Variants in TLR3 observed in about 807,000 individuals in gnomAD.
The protein encoded by TLR3 is toll like receptor 3, also known as toll-like receptor 3.
In TLR3, 43 loss-of-function variants were observed where a neutral mutation model predicts 66.4. The ratio of observed to expected loss-of-function variants is 0.65; its 90% confidence interval spans 0.51 to 0.83. TLR3 has a LOEUF of 0.83. Among genes scored for constraint, TLR3 ranks in the 40% least tolerant of loss-of-function variants. TLR3 has a pLI of 0.00. For missense variants in TLR3, 982 were observed against 1,044.6 expected (o/e 0.94, Z 0.83); for synonymous variants, 397 against 397.2 (o/e 1.00, Z 0.01).
At position 186,076,857 on chromosome 4, in the gene TLR3, T is replaced by C. The variant is rs2150066346; in HGVS notation, c.238T>C (p.Leu80=). 6.2e-7 allele frequency: 1 copy of C among 1,614,176 alleles called. No homozygotes were observed. Among genetic ancestry groups the C allele is most frequent in the Non-Finnish European group, 8.5e-7 (1 of 1,180,030 alleles). ...CACAAGGTATAGCCAGCTAACTAGC[T>C]TGGATGTAGGATTTAACACCATCTC... ...NFTRYSQLTS[L]DVGFNTISKL... Residue 80 remains leucine, a synonymous_variant, in exon 2 of 5, where the codon TTG becomes CTG. Transcript: ENST00000296795.
chr4:186,070,916 G>A lies in TLR3; in HGVS notation c.-8+1668G>A, dbSNP rs568814766. On this transcript the variant is annotated intron_variant, in intron 1 of 4. Transcript: ENST00000296795. The stretch of plus-strand genomic sequence containing the variant: ...ATACGGGGTCTCACTATGTTGCCCA[G>A]GCTGGTGTTGAGCTCCTGATCTCCT... Among the ~76,000 whole-genome samples, 52 of 152,286 alleles carry A rather than the reference G, an allele frequency of 3.4e-4. No homozygotes were observed. The South Asian group carries it at 0.011, about 31-fold the overall frequency.
intron 1 of TLR3, among the ~76,000 whole-genome samples, chr4:186,072,253 T>C (rs1193223790): frequency 6.6e-6 from 1 of 152,202 alleles, no homozygotes; most frequent in Non-Finnish European, 1.5e-5. Context: ...CACCTTCACA[T>C]AGCCGGAGCA....
At position 186,084,224 on chromosome 4, in the gene TLR3, T is replaced by C. The variant is rs756015945; in HGVS notation, c.2486+52T>C. On this transcript the variant is annotated intron_variant, in intron 4 of 4. Transcript: ENST00000296795. ...TGTGTACTTGCTTTTCAATTAAATT[T>C]CTTTTTTTTTTTTTGAGATGGAGTC... 3.0e-4 allele frequency: 460 copies of C among 1,532,842 alleles called. 2 individuals are homozygous for C. The highest frequency in any genetic ancestry group is 1.4e-4 in the South Asian group (12 of 84,146). 95.0% of individuals were successfully genotyped at this position (1,532,842 alleles called of 1,614,324 possible).
Position 186,088,013 on chromosome 4 carries a change from T to G in TLR3, c.*3140T>G, listed in dbSNP as rs768230172. The G allele has an allele frequency of 2.6e-5, 4 of 152,212 alleles. No individual in the cohort carries two copies. The highest frequency in any genetic ancestry group is 5.9e-5 in the Non-Finnish European group (4 of 68,038). 9.4% of individuals were successfully genotyped at this position (152,212 alleles called of 1,614,324 possible). A position where few individuals can be genotyped will look rare whatever the true frequency, so the allele number is the denominator to read the frequency against. On this transcript the variant is annotated 3_prime_UTR_variant, in exon 5 of 5. Coordinates refer to ENST00000296795, the MANE Select transcript of TLR3 (RefSeq NM_003265.3). ...AGTTGGACACTTAAAACAGGTGAAT[T>G]TTATGATATGTAAATTATATATTCA...
At chr4:186,074,436 G>T (rs1180151678) in intron 1 of TLR3, among the ~76,000 whole-genome samples, 2 of 152,194 alleles carry the variant, frequency 1.3e-5, no homozygotes, top group African/African-American at 2.4e-5. Context: ...GGTACAAAAG[G>T]TTACAAATGG....
intron 1 of TLR3, among the ~76,000 whole-genome samples, chr4:186,074,058 G>A (rs765643746): frequency 1.1e-4 from 16 of 152,126 alleles, no homozygotes; most frequent in Non-Finnish European, 1.8e-4. Context: ...ATAAAAATAG[G>A]TACCAAATGT....
At chr4:186,077,152 G>A in intron 2 of TLR3, 92 bp downstream of exon 2, 1 of 1,362,944 alleles carries the variant, frequency 7.3e-7, no homozygotes, top group South Asian at 1.3e-5. Context: ...TAAAGAGGAA[G>A]AAATTTGATC....
chr4:186,083,866 G>A lies in TLR3; in HGVS notation c.2180G>A (p.Gly727Asp). 1.2e-6 allele frequency: 2 copies of A among 1,614,150 alleles called. No homozygotes were observed. The highest frequency in any genetic ancestry group is 1.3e-5 in the African/African-American group (1 of 75,016). ...ATTGTACTTCTCATCCACTTTGAGG[G>A]CTGGAGGATATCTTTTTATTGGAAT... ...IFIVLLIHFE[G>D]WRISFYWNVS... Residue 727 changes from glycine to aspartate, a missense_variant, in exon 4 of 5, where the codon GGC becomes GAC. Gly to Asp is a moderately conservative substitution (Grantham distance 94). Around this residue, in one of 3 missense-constraint regions of TLR3, gnomAD observed 666 missense variants for 709.0 expected, o/e 0.94. Coordinates refer to ENST00000296795, the MANE Select transcript of TLR3 (RefSeq NM_003265.3). The surrounding 1 kb of genome is among the most constrained non-coding windows in gnomAD (Gnocchi z 4.0).
intron 2 of TLR3, among the ~76,000 whole-genome samples, chr4:186,077,973 A>C (rs924325251): frequency 2.0e-5 from 3 of 152,208 alleles, no homozygotes; most frequent in Non-Finnish European, 4.4e-5. Context: ...GCCAAGAATA[A>C]TGTACAAATG....
intron 1 of TLR3, among the ~76,000 whole-genome samples, chr4:186,073,251 G>T (rs1211576879): frequency 6.6e-6 from 1 of 152,126 alleles, no homozygotes; most frequent in African/African-American, 2.4e-5. Context: ...CAGGCGTGGT[G>T]GCTCACCCCT....
chr4:186,086,716 GTCAA>G lies in TLR3; in HGVS notation c.*1845_*1848del, dbSNP rs1202162065. 8 of 151,952 alleles carry G rather than the reference GTCAA, an allele frequency of 5.3e-5. No homozygotes were observed. The highest frequency in any genetic ancestry group is 1.9e-4 in the East Asian group (1 of 5,202). The allele number at this position is 151,952 out of a possible 1,614,324, so 9.4% of individuals were successfully genotyped here. On this transcript the variant is annotated 3_prime_UTR_variant, in exon 5 of 5. Coordinates refer to ENST00000296795, the MANE Select transcript of TLR3 (RefSeq NM_003265.3). Reference sequence around the variant, plus strand: ...ATTTTAAATAAATCATTGTGAATTAGTCAATATATCAAGTTGCTTAATATGTCAT... The same window carrying G: ...ATTTTAAATAAATCATTGTGAATTAGTATATCAAGTTGCTTAATATGTCAT...
At chr4:186,074,652 GTTTTAC>G (rs2099302140) in intron 1 of TLR3, among the ~76,000 whole-genome samples, 2 of 152,064 alleles carry the variant, frequency 1.3e-5, no homozygotes, top group South Asian at 4.2e-4. Context: ...TATTATAACT[GTTTTAC>G]TTTATAAGAG....
intron 1 of TLR3, among the ~76,000 whole-genome samples, chr4:186,070,965 C>A (rs763047291): frequency 6.6e-6 from 1 of 152,056 alleles, no homozygotes; most frequent in Admixed American, 6.6e-5. Flanking sequence ...TCTAAAGTGC[C>A]GGGATTGTGG....
In TLR3 at chr4:186,077,001, C is replaced by T. The variant is rs767025064; in HGVS notation, c.382C>T (p.Leu128Phe). ...TFAFCTNLTE[L>F]HLMSNSIQKI... is the part of the protein sequence containing the mutation. ...TGCCTTCTGCACGAATTTGACTGAA[C>T]TCCATCTCATGTCCAACTCAATCCA... The change falls in exon 2 of 5, where the codon CTC (leucine) becomes TTC (phenylalanine). Residue 128 changes from leucine (L) to phenylalanine (F), a missense_variant. By Grantham distance (22) the Leu-to-Phe change is conservative (BLOSUM62 0). Around this residue, in one of 3 missense-constraint regions of TLR3, gnomAD observed 313 missense variants for 319.0 expected, o/e 0.98. Coordinates refer to ENST00000296795, the MANE Select transcript of TLR3 (RefSeq NM_003265.3). The T allele has an allele frequency of 6.2e-7, 1 of 1,614,146 alleles. No homozygotes were observed. Among genetic ancestry groups the T allele is most frequent in the Non-Finnish European group, 8.5e-7 (1 of 1,180,048 alleles).
intron 1 of TLR3, among the ~76,000 whole-genome samples, chr4:186,070,021 C>G (rs555075662): frequency 3.2e-4 from 48 of 152,294 alleles, no homozygotes; most frequent in Admixed American, 5.2e-4. Context: ...GCCTCCAGAC[C>G]CCATGTCCTA....
chr4:186,084,386 A>C (rs1002880973), intron 4 of TLR3, among the ~76,000 whole-genome samples: 9 of 151,994 alleles, frequency 5.9e-5, no homozygotes, highest in African/African-American at 2.2e-4. Context: ...AAGCCTGGCT[A>C]ATTTTTGTAT....
rs148499166 is a variant in TLR3, at chr4:186,077,300, G to A, written c.441+240G>A. 2.3e-4 allele frequency among the ~76,000 whole-genome samples: 35 copies of A among 152,196 alleles called. No homozygotes were observed. The East Asian group carries it at 6.4e-3, about 28-fold the overall frequency. ...CTCCCATTAGAAATAGAACTTAGACGCAAGAGATAGAAGTAATGAACAGAG... is the reference window on the plus strand; with the variant it reads ...CTCCCATTAGAAATAGAACTTAGACACAAGAGATAGAAGTAATGAACAGAG... On this transcript the variant is annotated intron_variant, in intron 2 of 4. Coordinates refer to ENST00000296795, the MANE Select transcript of TLR3 (RefSeq NM_003265.3).
At position 186,083,621 on chromosome 4, in the gene TLR3, T is replaced by C. The variant is rs1271124123; in HGVS notation, c.1935T>C (p.Asn645=). Residue 645 remains asparagine (N), a synonymous_variant, in exon 4 of 5, where the codon AAT becomes AAC. Coordinates refer to ENST00000296795, the MANE Select transcript of TLR3 (RefSeq NM_003265.3). The surrounding 1 kb of genome is among the most constrained non-coding windows in gnomAD (Gnocchi z 4.0). ...RNLTELDMRF[N]PFDCTCESIA... is the part of the protein sequence containing the mutation. The stretch of plus-strand genomic sequence containing the variant: ...TGACTGAGTTAGATATGCGCTTTAA[T>C]CCCTTTGATTGCACGTGTGAAAGTA... 6.2e-7 allele frequency: 1 copy of C among 1,604,140 alleles called. No individual in the cohort carries two copies. The highest frequency in any genetic ancestry group is 2.2e-5 in the East Asian group (1 of 44,792).
At chr4:186,077,497 A>G (rs1396110344) in intron 2 of TLR3, among the ~76,000 whole-genome samples, 3 of 152,234 alleles carry the variant, frequency 2.0e-5, no homozygotes, top group Non-Finnish European at 2.9e-5. Context: ...TCCTGGTTTC[A>G]GAAATCTCCT....
Sources: allele counts gnomAD v4.1 joint callset (sites outside exome capture counted in the v4.1 genomes callset), GRCh38; gene constraint gnomAD v4.1.1; regional missense constraint gnomAD v4.1.1; non-coding constraint Gnocchi (gnomAD v3.1); transcripts MANE v1.5; gene names NCBI Gene and HGNC (gene_info 2026-07-23, HGNC 2026-07-21).